XKR7: variants seen among roughly 807,000 people sequenced by gnomAD.
XKR7 encodes the protein XK-related protein 7.
Under a neutral mutation model 42.2 loss-of-function variants are expected in XKR7, and 11 were observed. The observed-to-expected ratio is 0.26, with a 90% CI of 0.16 to 0.43. The LOEUF is 0.43. XKR7 is among the 20% of genes least tolerant of loss of function. The pLI, the probability that XKR7 is intolerant of heterozygous loss-of-function variation, is 1.00. For missense variants in XKR7, 710 were observed against 802.2 expected (o/e 0.89, Z 1.39); for synonymous variants, 346 against 366.4 (o/e 0.94, Z 0.64).
At chr20:31,979,251 G>A (rs2064500337) in intron 1 of XKR7, among the ~76,000 whole-genome samples, 1 of 149,578 alleles carries the variant, frequency 6.7e-6, no homozygotes, top group South Asian at 2.1e-4. Context: ...GTTTCACTCT[G>A]CCACCCAGGC....
At chr20:31,982,693 T>TG (rs1206926238) in intron 1 of XKR7, among the ~76,000 whole-genome samples, 1 of 152,130 alleles carries the variant, frequency 6.6e-6, no homozygotes, top group East Asian at 1.9e-4. Context: ...AGTTATTTTC[T>TG]GGGGGGCAGG....
intron 1 of XKR7, among the ~76,000 whole-genome samples, chr20:31,985,136 G>C (rs755604093): frequency 4.7e-4 from 72 of 152,160 alleles, no homozygotes; most frequent in Admixed American, 2.5e-3. Flanking sequence ...CAGCTGGGGG[G>C]ATGTCCTACC....
At chr20:31,985,223 G>A (rs2064532213) in intron 1 of XKR7, among the ~76,000 whole-genome samples, 1 of 152,120 alleles carries the variant, frequency 6.6e-6, no homozygotes, top group African/African-American at 2.4e-5. Context: ...GCAGACCCTG[G>A]CCCGCATTGA....
At chr20:31,988,395 T>C (rs1200688573) in intron 1 of XKR7, among the ~76,000 whole-genome samples, 1 of 152,152 alleles carries the variant, frequency 6.6e-6, no homozygotes, top group Non-Finnish European at 1.5e-5. Flanking sequence ...CTGCCACCTG[T>C]TCACAGAGGC....
chr20:31,980,488 G>A (rs149452840), intron 1 of XKR7, among the ~76,000 whole-genome samples: 4 of 152,312 alleles, frequency 2.6e-5, no homozygotes, highest in Non-Finnish European at 4.4e-5. Context: ...CATGCCCCAC[G>A]GTGAAATGGG....
In XKR7 at chr20:31,997,182, G is replaced by C. The variant is rs1191225431; in HGVS notation, c.1465G>C (p.Ala489Pro). 1 of 1,609,972 alleles carries C rather than the reference G, an allele frequency of 6.2e-7. No individual in the cohort carries two copies. The highest frequency in any genetic ancestry group is 2.2e-5 in the East Asian group (1 of 44,878). The change falls in exon 3 of 3, where the codon GCG becomes CCG. Residue 489 changes from alanine to proline, a missense_variant. This residue lies in a region of XKR7 where 708 missense variants were observed against 786.2 expected (regional missense o/e 0.90). Coordinates refer to ENST00000562532, the MANE Select transcript of XKR7 (RefSeq NM_001011718.2). ...TTGAERDGASAGERAGTPTPP... is the reference protein window; with the variant it reads ...TTGAERDGASPGERAGTPTPP... ...AGGTGCTGAGCGGGATGGGGCCTCG[G>C]CGGGAGAGCGTGCAGGGACCCCCAC...
chr20:31,979,134 C>CA (rs34871534), intron 1 of XKR7, among the ~76,000 whole-genome samples: 137 of 131,794 alleles, frequency 1.0e-3, no homozygotes, highest in Middle Eastern at 4.0e-3. Flanking sequence ...GACTCTGTCT[C>CA]AAAAAAAAAA....
At position 32,003,275 on chromosome 20, in the gene XKR7, A is replaced by AG. The variant is rs1326737005; in HGVS notation, c.*5823dup. ...AGCTTCCCCCAGGAGGGGGAGGGGGAGGGGGCCCCGAGCTGGGGCCTCTTT... is the reference window on the plus strand; with the variant it reads ...AGCTTCCCCCAGGAGGGGGAGGGGGAGGGGGGCCCCGAGCTGGGGCCTCTTT... On this transcript the variant is annotated 3_prime_UTR_variant, in exon 3 of 3. Transcript: ENST00000562532. The AG allele has an allele frequency of 6.6e-6, 1 of 151,928 alleles. No homozygotes were observed. Among genetic ancestry groups the AG allele is most frequent in the African/African-American group, 2.4e-5 (1 of 41,360 alleles). The allele number at this position is 151,928 out of a possible 1,614,324, so 9.4% of individuals were successfully genotyped here. A position where few individuals can be genotyped will look rare whatever the true frequency, so the allele number is the denominator to read the frequency against.
Position 31,995,143 on chromosome 20 carries a change from G to A in XKR7, c.660G>A (p.Gln220=). Reference sequence around the variant, plus strand: ...GGCTGCGGCGCCACTTCTACTGGCAGATGCTGTTCGAGAGCGCCGACGTGA... The same window carrying A: ...GGCTGCGGCGCCACTTCTACTGGCAAATGCTGTTCGAGAGCGCCGACGTGA... ...GERLRRHFYW[Q]MLFESADVSM... The change falls in exon 2 of 3, where the codon CAG becomes CAA. Residue 220 remains glutamine (Q), a synonymous_variant. Coordinates refer to ENST00000562532, the MANE Select transcript of XKR7 (RefSeq NM_001011718.2). This position sits in a 1 kb window ranked among gnomAD's most constrained non-coding sequence, Gnocchi z 4.1. 6.4e-7 allele frequency: 1 copy of A among 1,558,722 alleles called. No individual in the cohort carries two copies. The highest frequency in any genetic ancestry group is 8.7e-7 in the Non-Finnish European group (1 of 1,151,676).
intron 1 of XKR7, among the ~76,000 whole-genome samples, chr20:31,990,221 G>A (rs938794401): frequency 6.8e-6 from 1 of 147,528 alleles, no homozygotes; most frequent in Non-Finnish European, 1.5e-5. Flanking sequence ...TGTGGAAACA[G>A]GGACTCACTG....
intron 1 of XKR7, among the ~76,000 whole-genome samples, chr20:31,978,228 C>A (rs1297324518): frequency 6.6e-6 from 1 of 152,160 alleles, no homozygotes; most frequent in African/African-American, 2.4e-5. Flanking sequence ...GCCTCAGCCT[C>A]CTGAGTAGCT....
At chr20:31,983,702 T>C (rs2064524086) in intron 1 of XKR7, among the ~76,000 whole-genome samples, 1 of 152,080 alleles carries the variant, frequency 6.6e-6, no homozygotes, top group Non-Finnish European at 1.5e-5. Context: ...ATCCTAGCAG[T>C]TTGGGAGGCC....
chr20:31,995,809 C>A lies in XKR7; in HGVS notation c.787+539C>A, dbSNP rs996063695. ...CCCTACAGGCCCTGTTAATTTCCCA[C>A]CTTGCCCCTTCCATAATGACAGAGC... On this transcript the variant is annotated intron_variant, in intron 2 of 2. Coordinates refer to ENST00000562532, the MANE Select transcript of XKR7 (RefSeq NM_001011718.2). The surrounding 1 kb of genome is among the most constrained non-coding windows in gnomAD (Gnocchi z 4.1). Among the ~76,000 whole-genome samples the A allele has an allele frequency of 4.6e-5, 7 of 152,156 alleles. No homozygotes were observed. The highest frequency in any genetic ancestry group is 1.4e-4 in the African/African-American group (6 of 41,500).
At chr20:31,970,285 C>T (rs1344907403) in intron 1 of XKR7, 1 of 152,190 alleles carries the variant, frequency 6.6e-6, no homozygotes, top group African/African-American at 2.4e-5. Flanking sequence ...TTTCCTTCAG[C>T]CTAAAGTGGG....
intron 1 of XKR7, 114 bp from the exon 2 acceptor site, chr20:31,994,954 C>T (rs62206338): frequency 1.4e-6 from 2 of 1,478,506 alleles, no homozygotes; most frequent in Non-Finnish European, 8.9e-7. Context: ...GCTGAGGAAA[C>T]AGGCTCAGCG....
chr20:31,997,766 C>T lies in XKR7; in HGVS notation c.*309C>T, dbSNP rs924501769. ...GCCTCCACACCTCTCCCCTGCCTGG[C>T]GTTGCCCATGTGTTGCCCCTGCTGG... On this transcript the variant is annotated 3_prime_UTR_variant, in exon 3 of 3. Transcript: ENST00000562532. 11 of 361,858 alleles carry T rather than the reference C, an allele frequency of 3.0e-5. No homozygotes were observed. Among genetic ancestry groups the T allele is most frequent in the Middle Eastern group, 7.6e-4 (1 of 1,314 alleles). The allele number at this position is 361,858 out of a possible 1,614,324, so 22.4% of individuals were successfully genotyped here. A position where few individuals can be genotyped will look rare whatever the true frequency, so the allele number is the denominator to read the frequency against.
At chr20:31,977,123 A>G (rs1357509106) in intron 1 of XKR7, among the ~76,000 whole-genome samples, 1 of 152,228 alleles carries the variant, frequency 6.6e-6, no homozygotes, top group African/African-American at 2.4e-5. Context: ...GCCTAAGGCT[A>G]AGGAAAGAGG....
chr20:31,994,856 G>A (rs2064583596), intron 1 of XKR7, among the ~76,000 whole-genome samples: 4 of 152,218 alleles, frequency 2.6e-5, no homozygotes, highest in Admixed American at 2.6e-4. Flanking sequence ...TTTACTTAGT[G>A]CCAGTCCTCT....
intron 1 of XKR7, among the ~76,000 whole-genome samples, chr20:31,975,224 C>T (rs1007913461): frequency 6.6e-6 from 1 of 152,112 alleles, no homozygotes; most frequent in African/African-American, 2.4e-5. Flanking sequence ...CTCCGGTTAT[C>T]ACCCCCAACC....
Sources: gnomAD v4.1 joint callset for allele counts (sites outside exome capture counted in the v4.1 genomes callset) on GRCh38, gnomAD v4.1.1 for gene constraint, gnomAD v4.1.1 regional missense constraint, Gnocchi (gnomAD v3.1) non-coding constraint, MANE v1.5 for transcripts, NCBI Gene and HGNC (gene_info 2026-07-23, HGNC 2026-07-21) for gene names.